The following SH3PXD2B variants were observed in gnomAD, a reference collection of about 807,000 sequenced individuals.
SH3PXD2B encodes the protein SH3 and PX domains 2B.
In SH3PXD2B, 37 loss-of-function variants were observed where a neutral mutation model predicts 73.1. That is an observed-to-expected ratio of 0.51 (90% confidence interval 0.39 to 0.67). The LOEUF is 0.67. Among genes scored for constraint, SH3PXD2B ranks in the 30% least tolerant of loss-of-function variants. The pLI, the probability that SH3PXD2B is intolerant of heterozygous loss-of-function variation, is 0.00. For missense variants in SH3PXD2B, 1,053 were observed against 1,197.8 expected, an observed-to-expected ratio of 0.88 and a Z score of 1.78; for synonymous variants, 457 against 480.5, an observed-to-expected ratio of 0.95 and a Z score of 0.64.
chr5:172,402,884 T>A (rs2113421577), intron 3 of SH3PXD2B, among the ~76,000 whole-genome samples: 1 of 152,360 alleles, frequency 6.6e-6, no homozygotes, highest in South Asian at 2.1e-4. Context: ...TTTCCTCAAC[T>A]CCCAGCTTTC....
At chr5:172,347,444 G>T in intron 10 of SH3PXD2B, 112 bp from the exon 11 acceptor site, 2 of 1,088,790 alleles carry the variant, frequency 1.8e-6, no homozygotes, top group Non-Finnish European at 1.4e-6. Flanking sequence ...GCGTCTGCAT[G>T]CTGCTGCAAC....
chr5:172,439,096 G>A (rs1245414476), intron 1 of SH3PXD2B, among the ~76,000 whole-genome samples: 3 of 151,512 alleles, frequency 2.0e-5, no homozygotes, highest in African/African-American at 4.9e-5. Context: ...AAAATTAGCC[G>A]GCCTGTGGTG....
chr5:172,325,280 A>G, exon 13 of SH3PXD2B: 2 of 1,534,532 alleles, frequency 1.3e-6, no homozygotes, highest in Non-Finnish European at 1.7e-6. Flanking sequence ...TGGTTCTCAC[A>G]TCTCCATGGA....
At chr5:172,425,721 C>T (rs961490097) in intron 1 of SH3PXD2B, among the ~76,000 whole-genome samples, 22 of 151,846 alleles carry the variant, frequency 1.4e-4, no homozygotes, top group Non-Finnish European at 2.1e-4. Context: ...GTGGGGGAGG[C>T]GTGCGACAGG....
chr5:172,409,336 C>T (rs1282251415), intron 2 of SH3PXD2B, among the ~76,000 whole-genome samples: 3 of 152,068 alleles, frequency 2.0e-5, no homozygotes, highest in Non-Finnish European at 4.4e-5. Flanking sequence ...GAGCCGAGAC[C>T]GCGCCATTGC....
intron 1 of SH3PXD2B, among the ~76,000 whole-genome samples, chr5:172,446,052 C>T (rs1299116414): frequency 1.3e-5 from 2 of 152,188 alleles, no homozygotes; most frequent in Non-Finnish European, 2.9e-5. Flanking sequence ...TCCCGTGTCA[C>T]GTCAGTGGGC....
rs183220675 is a variant in SH3PXD2B at position 172,444,840 on chromosome 5, C to T, written c.75+9438G>A. 1.1e-4 allele frequency among the ~76,000 whole-genome samples: 17 copies of T among 152,280 alleles called. No homozygotes were observed. The East Asian group carries it at 3.3e-3, about 29-fold the overall frequency. On this transcript the variant is annotated intron_variant, in intron 1 of 12. Coordinates refer to ENST00000311601, the MANE Select transcript of SH3PXD2B (RefSeq NM_001017995.3). Reference sequence around the variant, plus strand: ...CCAGTGACTGCCTCTGGCCCCGAGCCCTGGCCTCAGCCTTCGTGTGCTGTA... The same window carrying T: ...CCAGTGACTGCCTCTGGCCCCGAGCTCTGGCCTCAGCCTTCGTGTGCTGTA...
intron 1 of SH3PXD2B, among the ~76,000 whole-genome samples, chr5:172,439,686 G>GTGCA (rs1561583908): frequency 4.9e-4 from 43 of 87,118 alleles, no homozygotes; most frequent in Middle Eastern, 6.3e-3. Flanking sequence ...GTGCGCGCAC[G>GTGCA]CGCGCGCACA....
intron 8 of SH3PXD2B, 51 bp downstream of exon 8, chr5:172,358,722 G>T (rs769795386): frequency 1.3e-6 from 2 of 1,528,036 alleles, no homozygotes; most frequent in South Asian, 1.2e-5. Context: ...CAGTATAGGC[G>T]ATGACTGCAC....
intron 6 of SH3PXD2B, among the ~76,000 whole-genome samples, chr5:172,372,030 C>G (rs1402351370): frequency 6.6e-6 from 1 of 152,216 alleles, no homozygotes; most frequent in Admixed American, 6.5e-5. Context: ...ATTCTCGACG[C>G]CATTCCCTGA....
intron 1 of SH3PXD2B, among the ~76,000 whole-genome samples, chr5:172,440,013 G>A (rs1339933529): frequency 6.6e-6 from 1 of 152,196 alleles, no homozygotes; most frequent in Non-Finnish European, 1.5e-5. Flanking sequence ...GGCTCAGCCG[G>A]AACCAACCTG....
At chr5:172,394,722 T>C in intron 3 of SH3PXD2B, 83 bp from the exon 4 acceptor site, 1 of 1,469,274 alleles carries the variant, frequency 6.8e-7, no homozygotes, top group Non-Finnish European at 9.4e-7. Context: ...GACATGGCGG[T>C]TCCTAGGGTA....
At chr5:172,402,340 C>T (rs565289548) in intron 3 of SH3PXD2B, among the ~76,000 whole-genome samples, 27 of 152,236 alleles carry the variant, frequency 1.8e-4, no homozygotes, top group African/African-American at 5.3e-4. Context: ...AATGCATGCC[C>T]GAAACTTCAT....
At chr5:172,329,043 G>A (rs60157346), downstream of SH3PXD2B, among the ~76,000 whole-genome samples, 72,778 of 123,040 alleles carry the variant, frequency 0.59, 22,351 homozygotes, top group South Asian at 0.82. Flanking sequence ...GTATATATAT[G>A]TATGTGTGTG....
chr5:172,402,078 A>G (rs1486229388), intron 3 of SH3PXD2B, among the ~76,000 whole-genome samples: 1 of 152,214 alleles, frequency 6.6e-6, no homozygotes, highest in African/African-American at 2.4e-5. Flanking sequence ...CAAATAGGAG[A>G]AATATCGCTG....
chr5:172,437,198 G>T (rs553750843), intron 1 of SH3PXD2B, among the ~76,000 whole-genome samples: 4 of 152,286 alleles, frequency 2.6e-5, no homozygotes, highest in African/African-American at 9.6e-5. Context: ...GGGCAGGGCG[G>T]TCGGATGGAG....
At chr5:172,329,083 A>ATTTTTTTTTTT (rs1164155218), downstream of SH3PXD2B, among the ~76,000 whole-genome samples, 11 of 61,806 alleles carry the variant, frequency 1.8e-4, no homozygotes, top group South Asian at 9.9e-4. Context: ...ATATATATAT[A>ATTTTTTTTTTT]TTTTTTTTTT....
chr5:172,379,791 A>G (rs1297532702), intron 5 of SH3PXD2B, among the ~76,000 whole-genome samples: 2 of 152,234 alleles, frequency 1.3e-5, no homozygotes, highest in African/African-American at 2.4e-5. Context: ...GCCCAGAAGC[A>G]AAGTGAGGGA....
At chr5:172,375,905 A>G (rs1757810883) in intron 5 of SH3PXD2B, among the ~76,000 whole-genome samples, 1 of 152,192 alleles carries the variant, frequency 6.6e-6, no homozygotes, top group South Asian at 2.1e-4. Context: ...TGGTAACTCC[A>G]GGTTTAACTT....
Sources: allele counts gnomAD v4.1 joint callset (sites outside exome capture counted in the v4.1 genomes callset), GRCh38; gene constraint gnomAD v4.1.1; transcripts MANE v1.5; gene names NCBI Gene and HGNC (gene_info 2026-07-23, HGNC 2026-07-21).